The following KCNT1 variants were observed in gnomAD, a reference collection of about 807,000 sequenced individuals.
The protein encoded by KCNT1 is potassium sodium-activated channel subfamily T member 1.
KCNT1 carries 78 observed loss-of-function variants against 147.8 expected under a neutral mutation model. The ratio of observed to expected loss-of-function variants is 0.53; its 90% CI spans 0.44 to 0.64. The LOEUF is 0.64. Among genes scored for constraint, KCNT1 ranks in the 30% least tolerant of loss-of-function variants. The probability of loss-of-function intolerance (pLI) is 0.00; values close to 1 mark genes in which losing one functional copy is unlikely to be tolerated. For missense variants in KCNT1, 1,419 were observed against 1,750.3 expected, an observed-to-expected ratio of 0.81 and a Z score of 3.38; for synonymous variants, 867 against 748.8, an observed-to-expected ratio of 1.16 and a Z score of -2.58.
At chr9:135,784,398 G>T (rs1194082299) in intron 25 of KCNT1, 137 bp from the exon 26 acceptor site, 1 of 689,544 alleles carries the variant, frequency 1.5e-6, no homozygotes, top group Non-Finnish European at 2.6e-6. Flanking sequence ...GGTTCTGTGT[G>T]TGTGTATGCA....
intron 2 of KCNT1, among the ~76,000 whole-genome samples, chr9:135,741,684 C>T (rs1029176352): frequency 6.6e-6 from 1 of 152,240 alleles, no homozygotes; most frequent in Admixed American, 6.5e-5. Context: ...AGGAGGGCAC[C>T]TGCCCACCCG....
chr9:135,703,330 C>T (rs1835112244), intron 1 of KCNT1, among the ~76,000 whole-genome samples: 1 of 152,208 alleles, frequency 6.6e-6, no homozygotes, highest in East Asian at 1.9e-4. Flanking sequence ...GAGCGGGAGG[C>T]CTGGTGCGGC....
chr9:135,742,802 C>T (rs865960449), intron 2 of KCNT1: 1 of 717,302 alleles, frequency 1.4e-6, no homozygotes, highest in Non-Finnish European at 2.6e-6. Flanking sequence ...GCCTGGACTC[C>T]TCCCTGTCTC....
At chr9:135,732,030 A>AGAGG (rs1182562636) in intron 2 of KCNT1, among the ~76,000 whole-genome samples, 27 of 134,422 alleles carry the variant, frequency 2.0e-4, no homozygotes, top group South Asian at 5.3e-4. Context: ...AGAGAGAGAG[A>AGAGG]GAGAGAGAGA....
At position 135,752,536 on chromosome 9, in the gene KCNT1, C is replaced by T. The variant is rs530289104; in HGVS notation, c.435-1401C>T. On this transcript the variant is annotated intron_variant, in intron 4 of 30. Transcript: ENST00000371757. This position sits in a 1 kb window ranked among gnomAD's most constrained non-coding sequence, Gnocchi z 5.1. Reference sequence around the variant, plus strand: ...CCACAGGGCCCAAGTCTGTTGTGTTCACTGCCCGTCCCCTAGCACAGCGTC... The same window carrying T: ...CCACAGGGCCCAAGTCTGTTGTGTTTACTGCCCGTCCCCTAGCACAGCGTC... The T allele has an allele frequency of 2.3e-6, 1 of 433,026 alleles. No individual in the cohort carries two copies. The highest frequency in any genetic ancestry group is 4.6e-6 in the Non-Finnish European group (1 of 217,006). The allele number at this position is 433,026 out of a possible 1,614,324, so 26.8% of individuals were successfully genotyped here.
rs1832663580 is a variant in KCNT1 at position 135,770,291 on chromosome 9, C to A, written c.1620-7C>A. On this transcript the variant is annotated splice_polypyrimidine_tract_variant and splice_region_variant and intron_variant, in intron 16 of 30. Coordinates refer to ENST00000371757, the MANE Select transcript of KCNT1 (RefSeq NM_020822.3). The stretch of plus-strand genomic sequence containing the variant: ...TGACGCTCCCCTGGCCCCGCCCTGG[C>A]CCACAGGGAGGGACAGGAGTCTCCG... 1.3e-6 allele frequency: 2 copies of A among 1,586,848 alleles called. No individual in the cohort carries two copies. The highest frequency in any genetic ancestry group is 1.7e-6 in the Non-Finnish European group (2 of 1,164,848).
intron 13 of KCNT1, among the ~76,000 whole-genome samples, chr9:135,766,296 G>A (rs1316394213): frequency 6.6e-6 from 1 of 151,942 alleles, no homozygotes; most frequent in Non-Finnish European, 1.5e-5. Context: ...GACTGTCCAG[G>A]GTGGACCATC....
intron 1 of KCNT1, among the ~76,000 whole-genome samples, chr9:135,703,305 G>T (rs931429773): frequency 6.6e-6 from 1 of 152,224 alleles, no homozygotes; most frequent in African/African-American, 2.4e-5. Flanking sequence ...GAAGGGGGTG[G>T]AAGAGCATAC....
chr9:135,777,349 C>T lies in KCNT1; in HGVS notation c.2361C>T (p.His787=), dbSNP rs1431122025. Residue 787 remains histidine, a synonymous_variant, in exon 21 of 31, where the codon CAC becomes CAT. Transcript: ENST00000371757. ...CCLRLDKGCK[H]NSYEDAKAYG... is the part of the protein sequence containing the mutation. ...GCATCTGCCCCCAGGGCTGCAAGCACAACAGCTATGAAGACGCCAAGGCCT... is the reference window on the plus strand; with the variant it reads ...GCATCTGCCCCCAGGGCTGCAAGCATAACAGCTATGAAGACGCCAAGGCCT... The T allele has an allele frequency of 1.2e-6, 2 of 1,613,710 alleles. No homozygotes were observed. Among genetic ancestry groups the T allele is most frequent in the South Asian group, 1.1e-5 (1 of 91,036 alleles).
chr9:135,774,581 G>A (rs1370251952), intron 19 of KCNT1, among the ~76,000 whole-genome samples: 1 of 151,516 alleles, frequency 6.6e-6, no homozygotes, highest in Non-Finnish European at 1.5e-5. Flanking sequence ...TGTGTGTTGT[G>A]TGTCCATGTG....
At chr9:135,732,024 A>AGAGAGAGAGAGAGAGAGAGGGAGAGG (rs1554766187) in intron 2 of KCNT1, among the ~76,000 whole-genome samples, 3 of 65,082 alleles carry the variant, frequency 4.6e-5, no homozygotes, top group Non-Finnish European at 6.4e-5. Flanking sequence ...AGAGAGAGAG[A>AGAGAGAGAGAGAGAGAGAGGGAGAGG]GAGAGAGAGA....
intron 24 of KCNT1, among the ~76,000 whole-genome samples, chr9:135,780,714 C>T (rs1009520797): frequency 3.9e-5 from 6 of 152,188 alleles, no homozygotes; most frequent in Non-Finnish European, 7.3e-5. Flanking sequence ...GCGTCGGGAG[C>T]TCCTGGCCCC....
rs576147404 is a variant in KCNT1 at position 135,769,828 on chromosome 9, A to G, written c.1511-119A>G. 1.7e-5 allele frequency: 12 copies of G among 696,814 alleles called. No homozygotes were observed. In the East Asian group the frequency reaches 3.3e-4, roughly 19 times the overall value. The allele number at this position is 696,814 out of a possible 1,614,324, so 43.2% of individuals were successfully genotyped here. ...CAGAGATGCTGAAGCCGGACAGCAG[A>G]CACGGGGGTGCCAGGCAAGGGTGCA... On this transcript the variant is annotated intron_variant, in intron 15 of 30. Transcript: ENST00000371757.
At chr9:135,732,024 A>AGAGAGAGGGG (rs1554766189) in intron 2 of KCNT1, among the ~76,000 whole-genome samples, 2 of 65,084 alleles carry the variant, frequency 3.1e-5, no homozygotes, top group Admixed American at 1.6e-4. Flanking sequence ...AGAGAGAGAG[A>AGAGAGAGGGG]GAGAGAGAGA....
At chr9:135,761,085 C>T (rs1294707067) in intron 11 of KCNT1, among the ~76,000 whole-genome samples, 1 of 151,872 alleles carries the variant, frequency 6.6e-6, no homozygotes, top group African/African-American at 2.4e-5. Context: ...CCAGGCTGGC[C>T]TCGAACTCCT....
chr9:135,768,518 C>A, intron 13 of KCNT1, 92 bp from the exon 14 acceptor site: 1 of 927,012 alleles, frequency 1.1e-6, no homozygotes, highest in Non-Finnish European at 1.7e-6. Context: ...AGCCTCCTCC[C>A]AGAGGAGGTC....
rs138918200 is a variant in KCNT1, at chr9:135,752,040, T to A, written c.434+999T>A. On this transcript the variant is annotated intron_variant, in intron 4 of 30. Coordinates refer to ENST00000371757, the MANE Select transcript of KCNT1 (RefSeq NM_020822.3). This position sits in a 1 kb window ranked among gnomAD's most constrained non-coding sequence, Gnocchi z 5.1. ...GAGCTCACATTGGGCCCTGACTTTTTCATACCCGTAGATTTCCTCAAATGT... is the reference window on the plus strand; with the variant it reads ...GAGCTCACATTGGGCCCTGACTTTTACATACCCGTAGATTTCCTCAAATGT... 1.2e-3 allele frequency: 270 copies of A among 216,408 alleles called. 4 individuals are homozygous for A. The East Asian group carries it at 0.032, about 25-fold the overall frequency. 13.4% of individuals were successfully genotyped at this position (216,408 alleles called of 1,614,324 possible).
intron 2 of KCNT1, among the ~76,000 whole-genome samples, chr9:135,726,041 G>T (rs904635570): frequency 6.6e-6 from 1 of 152,138 alleles, no homozygotes; most frequent in Non-Finnish European, 1.5e-5. Flanking sequence ...AGGAGGAGGG[G>T]CCTGTCAGGG....
intron 2 of KCNT1, among the ~76,000 whole-genome samples, chr9:135,734,766 G>A (rs1315744854): frequency 6.6e-6 from 1 of 152,134 alleles, no homozygotes; most frequent in African/African-American, 2.4e-5. Context: ...TGGGCTGTGG[G>A]TTCGTTCCCA....
Sources: allele counts gnomAD v4.1 joint callset (sites outside exome capture counted in the v4.1 genomes callset), GRCh38; gene constraint gnomAD v4.1.1; non-coding constraint Gnocchi (gnomAD v3.1); transcripts MANE v1.5; gene names NCBI Gene and HGNC (gene_info 2026-07-23, HGNC 2026-07-21).